The following MCOLN2 variants were observed in gnomAD, a reference collection of about 807,000 sequenced individuals.
MCOLN2 encodes the protein mucolipin-2.
A neutral mutation model predicts 67.5 loss-of-function variants in MCOLN2; 57 were observed. The ratio of observed to expected loss-of-function variants is 0.84; its 90% CI spans 0.68 to 1.05. The LOEUF is 1.05. Among genes scored for constraint, MCOLN2 ranks in the 50% least tolerant of loss-of-function variants. The pLI, the probability that MCOLN2 is intolerant of heterozygous loss-of-function variation, is 0.00. For synonymous variants in MCOLN2, 246 were observed against 233.3 expected (o/e 1.05, Z -0.50); for missense variants, 620 against 678.8 (o/e 0.91, Z 0.96).
At chr1:84,972,783 A>C (rs935517656) in intron 1 of MCOLN2, among the ~76,000 whole-genome samples, 4 of 152,260 alleles carry the variant, frequency 2.6e-5, no homozygotes, top group African/African-American at 9.6e-5. Flanking sequence ...GTTTTGAAAC[A>C]AAACAAGATG....
intron 6 of MCOLN2, among the ~76,000 whole-genome samples, 176 bp downstream of exon 6, chr1:84,952,067 A>G (rs1186248274): frequency 6.6e-6 from 1 of 152,174 alleles, no homozygotes; most frequent in African/African-American, 2.4e-5. Context: ...AGCCTGGGTG[A>G]CAGAGCGAGA....
intron 1 of MCOLN2, among the ~76,000 whole-genome samples, chr1:84,972,395 C>T (rs918394779): frequency 2.0e-5 from 3 of 151,662 alleles, no homozygotes; most frequent in Non-Finnish European, 4.4e-5. Flanking sequence ...AATGGCAGCA[C>T]TAAAGAACAA....
At chr1:84,943,054 G>A (rs1337888347) in intron 7 of MCOLN2, among the ~76,000 whole-genome samples, 1 of 152,164 alleles carries the variant, frequency 6.6e-6, no homozygotes, top group Non-Finnish European at 1.5e-5. Flanking sequence ...CAGTAGTGTT[G>A]AATACAGCAC....
At chr1:84,934,148 T>C (rs1012017753) in intron 11 of MCOLN2, among the ~76,000 whole-genome samples, 1 of 152,198 alleles carries the variant, frequency 6.6e-6, no homozygotes, top group Non-Finnish European at 1.5e-5. Flanking sequence ...CTGCTTCTTG[T>C]TTGTTCAAAA....
At chr1:84,995,137 ACAGTAGTCACATCAAAGAT>A (rs1247232420) in intron 1 of MCOLN2, among the ~76,000 whole-genome samples, 2 of 152,180 alleles carry the variant, frequency 1.3e-5, no homozygotes, top group Non-Finnish European at 2.9e-5. Flanking sequence ...CAAAACAATT[ACAGTAGTCACATCAAAGAT>A]CAGTGGTCAC....
At chr1:84,993,577 T>C (rs1046526397) in intron 1 of MCOLN2, among the ~76,000 whole-genome samples, 12 of 151,624 alleles carry the variant, frequency 7.9e-5, no homozygotes, top group Non-Finnish European at 1.5e-4. Flanking sequence ...TAATTTTCGA[T>C]GGCAACCTAT....
intron 1 of MCOLN2, among the ~76,000 whole-genome samples, chr1:84,994,458 T>C (rs971056825): frequency 5.3e-5 from 8 of 152,250 alleles, no homozygotes; most frequent in African/African-American, 1.9e-4. Context: ...TCAATGATCT[T>C]AGCTACATCT....
At chr1:84,987,558 ATG>A (rs1491068561) in intron 1 of MCOLN2, among the ~76,000 whole-genome samples, 1 of 89,234 alleles carries the variant, frequency 1.1e-5, no homozygotes, top group Non-Finnish European at 2.2e-5. Context: ...GTATACATCT[ATG>A]TATACATAGA....
rs140896249 is a variant in MCOLN2 at position 84,941,278 on chromosome 1, C to T, written c.848-287G>A. ...TTGGGAGGCTGAGGTGGGCGGATCA[C>T]GAGGTCAGGAGATCAAGACCATCCT... is the stretch of plus-strand genomic sequence containing the variant. On this transcript the variant is annotated intron_variant, in intron 7 of 13. Transcript: ENST00000370608. Among the ~76,000 whole-genome samples the T allele has an allele frequency of 4.3e-3, 662 of 152,240 alleles. 7 individuals are homozygous for T. Among genetic ancestry groups the T allele is most frequent in the African/African-American group, 0.013 (553 of 41,548 alleles).
chr1:84,965,364 T>C (rs1649324911), intron 2 of MCOLN2, among the ~76,000 whole-genome samples, 185 bp downstream of exon 2: 2 of 152,220 alleles, frequency 1.3e-5, no homozygotes, highest in South Asian at 4.1e-4. Context: ...TCAGGATCTC[T>C]TACTATGACA....
At chr1:84,926,837 CAT>C (rs1231315074) in intron 13 of MCOLN2, 116 bp from the exon 14 acceptor site, 1 of 637,244 alleles carries the variant, frequency 1.6e-6, no homozygotes, top group African/African-American at 1.9e-5. Flanking sequence ...TTGAGTGAAA[CAT>C]AGAAGAGGAA....
At chr1:84,979,986 C>T (rs1233866041) in intron 1 of MCOLN2, among the ~76,000 whole-genome samples, 3 of 152,058 alleles carry the variant, frequency 2.0e-5, no homozygotes, top group East Asian at 1.9e-4. Flanking sequence ...AGTTGCAGGA[C>T]ACAATATCAA....
In MCOLN2 at chr1:84,960,689, G is replaced by A. The variant is rs79991410; in HGVS notation, c.238-1987C>T. ...ATGTCTGTCAATGGTGCCTGTAGGA[G>A]AAGCCAGAAAAGGTCATGTTGCTCT... On this transcript the variant is annotated intron_variant, in intron 2 of 13. Transcript: ENST00000370608. Among the ~76,000 whole-genome samples, 662 of 152,354 alleles carry A rather than the reference G, an allele frequency of 4.3e-3. 4 individuals are homozygous for A. The highest frequency in any genetic ancestry group is 0.015 in the African/African-American group (642 of 41,590).
rs780792054 is a variant in MCOLN2 at position 84,949,828 on chromosome 1, C to T, written c.747+2415G>A. On this transcript the variant is annotated intron_variant, in intron 6 of 13. Transcript: ENST00000370608. ...AAACTGTCAGTCAAGAATACTATAT[C>T]CAGCAAAGCCATCCTTCAGAAATGA... 7.7e-4 allele frequency among the ~76,000 whole-genome samples: 117 copies of T among 151,652 alleles called. 1 individual carries two copies. The highest frequency in any genetic ancestry group is 3.7e-4 in the Non-Finnish European group (25 of 67,884).
chr1:84,992,968 C>A (rs1650964374), intron 1 of MCOLN2, among the ~76,000 whole-genome samples: 1 of 152,200 alleles, frequency 6.6e-6, no homozygotes, highest in Non-Finnish European at 1.5e-5. Flanking sequence ...TTAACTCTTC[C>A]TGTCACAAAA....
intron 6 of MCOLN2, among the ~76,000 whole-genome samples, chr1:84,951,884 C>T (rs1452752441): frequency 1.3e-5 from 2 of 152,094 alleles, no homozygotes; most frequent in East Asian, 3.9e-4. Flanking sequence ...ACCAGCCTGG[C>T]CAACATGGCA....
In MCOLN2 at chr1:84,925,903, T is replaced by G. The variant is rs1422597066; in HGVS notation, c.*782A>C. On this transcript the variant is annotated 3_prime_UTR_variant, in exon 14 of 14. Transcript: ENST00000370608. ...TTGATTTAAGGGTGATTTTTTTTTT[T>G]TTTTGAGACAGGATCTCACTCTGTC... 1 of 152,262 alleles carries G rather than the reference T, an allele frequency of 6.6e-6. No homozygotes were observed. Among genetic ancestry groups the G allele is most frequent in the Non-Finnish European group, 1.5e-5 (1 of 68,272 alleles). 9.4% of individuals were successfully genotyped at this position (152,262 alleles called of 1,614,324 possible). A position where few individuals can be genotyped will look rare whatever the true frequency, so the allele number is the denominator to read the frequency against.
chr1:84,967,309 G>A (rs921234037), intron 1 of MCOLN2, among the ~76,000 whole-genome samples: 1 of 152,192 alleles, frequency 6.6e-6, no homozygotes, highest in Non-Finnish European at 1.5e-5. Context: ...GCTTAAGCCA[G>A]TTTGAGTTTG....
chr1:84,962,731 T>C (rs1458680438), intron 2 of MCOLN2, among the ~76,000 whole-genome samples: 1 of 152,182 alleles, frequency 6.6e-6, no homozygotes, highest in African/African-American at 2.4e-5. Flanking sequence ...ATCATTGGGT[T>C]GGCCTGTCTG....
Sources: gnomAD v4.1 joint callset for allele counts (sites outside exome capture counted in the v4.1 genomes callset) on GRCh38, gnomAD v4.1.1 for gene constraint, MANE v1.5 for transcripts, NCBI Gene and HGNC (gene_info 2026-07-23, HGNC 2026-07-21) for gene names.